Variants in TMC5 observed in about 807,000 individuals in gnomAD.
TMC5 encodes the protein transmembrane channel like 5.
TMC5 carries 86 observed loss-of-function variants against 110.5 expected under a neutral mutation model. That is an observed-to-expected ratio of 0.78 (90% confidence interval 0.65 to 0.93). The LOEUF is 0.93. TMC5 is among the 40% of genes least tolerant of loss of function. The pLI, the probability that TMC5 is intolerant of heterozygous loss-of-function variation, is 0.00. For synonymous variants in TMC5, 455 were observed against 439.5 expected (o/e 1.04, Z -0.44); for missense variants, 1,144 against 1,222.8 (o/e 0.94, Z 0.96).
chr16:19,469,516 T>TTA (rs1968271085), intron 9 of TMC5, among the ~76,000 whole-genome samples, 165 bp from the exon 10 acceptor site: 1 of 152,180 alleles, frequency 6.6e-6, no homozygotes, highest in African/African-American at 2.4e-5. Context: ...AACCAGTGCT[T>TTA]GTTTAACCAC....
chr16:19,497,187 A>G (rs1412217907), intron 21 of TMC5, 24 bp downstream of exon 21: 1 of 1,604,346 alleles, frequency 6.2e-7, no homozygotes, highest in Non-Finnish European at 8.5e-7. Flanking sequence ...CTGGGACAGA[A>G]TAAGACACTA....
At chr16:19,444,485 A>G (rs1967568614) in intron 4 of TMC5, among the ~76,000 whole-genome samples, 1 of 151,990 alleles carries the variant, frequency 6.6e-6, no homozygotes, top group Admixed American at 6.6e-5. Flanking sequence ...GGACCTGTGC[A>G]CTCTGTTCCT....
chr16:19,488,008 G>C (rs937308394), intron 17 of TMC5: 1 of 152,760 alleles, frequency 6.5e-6, no homozygotes, highest in South Asian at 2.1e-4. Flanking sequence ...TAGGCTGTGG[G>C]ATATGGATCC....
At chr16:19,450,594 A>G (rs1967725403) in intron 5 of TMC5, among the ~76,000 whole-genome samples, 1 of 150,130 alleles carries the variant, frequency 6.7e-6, no homozygotes, top group Non-Finnish European at 1.5e-5. Flanking sequence ...GCCAGAGAAC[A>G]CGGCCAATAG....
chr16:19,463,489 C>A, intron 7 of TMC5, 122 bp downstream of exon 7: 2 of 930,384 alleles, frequency 2.1e-6, no homozygotes, highest in Non-Finnish European at 3.5e-6. Flanking sequence ...CCAGAGCCAA[C>A]GGTTAGTACA....
chr16:19,415,075 A>G (rs756442637), upstream of TMC5, among the ~76,000 whole-genome samples: 4 of 152,212 alleles, frequency 2.6e-5, no homozygotes, highest in South Asian at 2.1e-4. Context: ...CTCCATATCT[A>G]TCTCCAGCCA....
intron 11 of TMC5, among the ~76,000 whole-genome samples, chr16:19,473,502 C>T (rs1294952599): frequency 1.3e-5 from 2 of 151,956 alleles, no homozygotes; most frequent in Non-Finnish European, 2.9e-5. Context: ...ATCCTCATTG[C>T]CCTGGGCATC....
chr16:19,465,033 TTC>T (rs1491060663), intron 8 of TMC5, among the ~76,000 whole-genome samples: 3,977 of 122,990 alleles, frequency 0.032, 101 homozygotes, highest in African/African-American at 0.055. Context: ...CTTTCTTTCT[TTC>T]TTTCTTTCTT....
chr16:19,450,808 G>A (rs1458611622), intron 5 of TMC5, among the ~76,000 whole-genome samples: 4 of 152,192 alleles, frequency 2.6e-5, no homozygotes, highest in Non-Finnish European at 5.9e-5. Context: ...GGGACAAGAT[G>A]CATTGATCAA....
chr16:19,449,004 G>T (rs1202509845), intron 4 of TMC5, among the ~76,000 whole-genome samples: 1 of 150,270 alleles, frequency 6.7e-6, no homozygotes, highest in Non-Finnish European at 1.5e-5. Context: ...GACTACAGGC[G>T]CCCGCCACTA....
chr16:19,423,854 C>T (rs1023725315), intron 1 of TMC5, among the ~76,000 whole-genome samples: 2 of 152,102 alleles, frequency 1.3e-5, no homozygotes, highest in African/African-American at 4.8e-5. Flanking sequence ...CAGGTTGAAG[C>T]GATTCTCCTG....
rs1460136713 is a variant in TMC5 at position 19,418,099 on chromosome 16, G to T, written c.-308+7G>T. ...CCTGTAGAACTGAGGGCAGGTAAGT[G>T]AAAGTGCTTTGAAGGAGGGGTGGGA... is the stretch of plus-strand genomic sequence containing the variant. On this transcript the variant is annotated splice_region_variant and intron_variant, in intron 1 of 21. Transcript: ENST00000542583. 1 of 152,212 alleles carries T rather than the reference G, an allele frequency of 6.6e-6. No individual in the cohort carries two copies. The highest frequency in any genetic ancestry group is 1.5e-5 in the Non-Finnish European group (1 of 68,072). The allele number at this position is 152,212 out of a possible 1,614,324, so 9.4% of individuals were successfully genotyped here. A position where few individuals can be genotyped will look rare whatever the true frequency, so the allele number is the denominator to read the frequency against.
chr16:19,463,478 C>A, intron 7 of TMC5, 111 bp downstream of exon 7: 1 of 981,320 alleles, frequency 1.0e-6, no homozygotes, highest in Non-Finnish European at 1.6e-6. Context: ...AATTTCATTG[C>A]CCAGAGCCAA....
intron 18 of TMC5, among the ~76,000 whole-genome samples, chr16:19,491,154 T>A (rs559972791): frequency 6.6e-6 from 1 of 152,076 alleles, no homozygotes; most frequent in East Asian, 1.9e-4. Context: ...GGCTTGCAGG[T>A]GTGCACCACT....
At chr16:19,483,810 G>T (rs957484763) in intron 15 of TMC5, among the ~76,000 whole-genome samples, 2 of 151,754 alleles carry the variant, frequency 1.3e-5, no homozygotes, top group Non-Finnish European at 2.9e-5. Context: ...AAAAGGCCAG[G>T]CACGGTGGCT....
At chr16:19,442,182 T>G (rs1597173383) in intron 3 of TMC5, among the ~76,000 whole-genome samples, 1 of 152,196 alleles carries the variant, frequency 6.6e-6, no homozygotes. Context: ...AAGATTTTGA[T>G]CTTCTGTCAA....
intron 4 of TMC5, 142 bp from the exon 5 acceptor site, chr16:19,449,400 A>G (rs1967696431): frequency 1.5e-6 from 1 of 675,018 alleles, no homozygotes; most frequent in Non-Finnish European, 2.6e-6. Flanking sequence ...GTTCTTAATC[A>G]GTAGTCTGTT....
At position 19,487,000 on chromosome 16, in the gene TMC5, A is replaced by G; in HGVS notation, c.2419A>G (p.Ile807Val). The G allele has an allele frequency of 6.2e-7, 1 of 1,613,932 alleles. No homozygotes were observed. Among genetic ancestry groups the G allele is most frequent in the Non-Finnish European group, 8.5e-7 (1 of 1,180,014 alleles). Reference protein sequence around the residue: ...LPFIQMIMLFIMFYSKNISLM... With the variant: ...LPFIQMIMLFVMFYSKNISLM... ...CTTTATCCAAATGATTATGCTTTTC[A>G]TCATGTTCTACTCCAAAAATGTGAG... The change falls in exon 16 of 22, where the codon ATC becomes GTC. Residue 807 changes from isoleucine (I) to valine (V), a missense_variant. Coordinates refer to ENST00000542583, the MANE Select transcript of TMC5 (RefSeq NM_001261841.2).
chr16:19,490,605 C>T lies in TMC5; in HGVS notation c.2747+37C>T, dbSNP rs938178650. On this transcript the variant is annotated intron_variant, in intron 18 of 21. Transcript: ENST00000542583. The stretch of plus-strand genomic sequence containing the variant: ...ACCCGGGGAATCTAGCAGGGAAAGC[C>T]AGGAGCTCTCGAGGGAAACAGCAGT... The T allele has an allele frequency of 8.1e-6, 13 of 1,609,736 alleles. 1 individual carries two copies. The Admixed American group carries it at 1.3e-4, about 17-fold the overall frequency.
Sources: allele counts gnomAD v4.1 joint callset (sites outside exome capture counted in the v4.1 genomes callset), GRCh38; gene constraint gnomAD v4.1.1; transcripts MANE v1.5; gene names NCBI Gene and HGNC (gene_info 2026-07-23, HGNC 2026-07-21).